LRRC4C: variants seen among roughly 807,000 people sequenced by gnomAD.
LRRC4C encodes the protein leucine-rich repeat-containing protein 4C.
Under a neutral mutation model 33.6 loss-of-function variants are expected in LRRC4C, and 5 were observed. That is an observed-to-expected ratio of 0.15 (90% confidence interval 0.08 to 0.31). The LOEUF is 0.31. Among genes scored for constraint, LRRC4C ranks in the 10% least tolerant of loss-of-function variants. LRRC4C has a pLI of 1.00. For missense variants in LRRC4C, 560 were observed against 796.7 expected, an observed-to-expected ratio of 0.70 and a Z score of 3.58; for synonymous variants, 329 against 302.0, an observed-to-expected ratio of 1.09 and a Z score of -0.93.
intron 4 of LRRC4C, among the ~76,000 whole-genome samples, chr11:40,282,908 T>C (rs936660371): frequency 6.6e-6 from 1 of 152,260 alleles, no homozygotes; most frequent in Non-Finnish European, 1.5e-5. Flanking sequence ...TGATTTTCTA[T>C]ATTTAATGAA....
chr11:40,971,557 C>A (rs189862714), intron 1 of LRRC4C, among the ~76,000 whole-genome samples: 45 of 152,276 alleles, frequency 3.0e-4, no homozygotes, highest in African/African-American at 1.1e-3. Context: ...TCACAGAGAA[C>A]CTCTATTAGA....
intron 1 of LRRC4C, among the ~76,000 whole-genome samples, chr11:41,102,204 C>T (rs995770333): frequency 3.3e-5 from 5 of 151,872 alleles, no homozygotes; most frequent in Non-Finnish European, 7.4e-5. Context: ...AGAAACTTAA[C>T]GTTATCGTCA....
intron 5 of LRRC4C, among the ~76,000 whole-genome samples, chr11:40,204,713 T>TC (rs1412508921): frequency 5.9e-5 from 9 of 152,164 alleles, no homozygotes; most frequent in Admixed American, 5.9e-4. Context: ...CAGGCCTTTT[T>TC]CCCGAGCTCA....
At chr11:41,391,642 T>G (rs553098737) in intron 1 of LRRC4C, among the ~76,000 whole-genome samples, 1 of 152,046 alleles carries the variant, frequency 6.6e-6, no homozygotes, top group East Asian at 1.9e-4. Flanking sequence ...ATTTGATAAG[T>G]ATTTATTGAT....
At chr11:40,411,559 G>T (rs987969113) in intron 3 of LRRC4C, among the ~76,000 whole-genome samples, 1 of 151,982 alleles carries the variant, frequency 6.6e-6, no homozygotes, top group Admixed American at 6.6e-5. Flanking sequence ...TTCTACATCA[G>T]ATCCAGAGTG....
At chr11:40,372,163 A>G (rs906547813) in intron 3 of LRRC4C, among the ~76,000 whole-genome samples, 28 of 152,350 alleles carry the variant, frequency 1.8e-4, no homozygotes, top group African/African-American at 6.7e-4. Context: ...AGTAGGAGAT[A>G]GGCTGAAGTA....
intron 2 of LRRC4C, among the ~76,000 whole-genome samples, chr11:40,666,698 T>C (rs978874632): frequency 9.9e-5 from 15 of 152,158 alleles, no homozygotes; most frequent in African/African-American, 3.4e-4. Flanking sequence ...CACATAATTG[T>C]TATTGGTGTG....
intron 1 of LRRC4C, among the ~76,000 whole-genome samples, chr11:41,295,597 A>G (rs1591184511): frequency 6.9e-6 from 1 of 144,760 alleles, no homozygotes; most frequent in East Asian, 2.3e-4. Context: ...AGGGCAACAA[A>G]CATTTTTTTT....
intron 4 of LRRC4C, among the ~76,000 whole-genome samples, chr11:40,299,718 A>C (rs747701718): frequency 6.6e-6 from 1 of 152,176 alleles, no homozygotes; most frequent in Non-Finnish European, 1.5e-5. Flanking sequence ...CTCTTAATAA[A>C]TTTTGATTGA....
chr11:40,444,202 G>A (rs1289030262), intron 3 of LRRC4C, among the ~76,000 whole-genome samples: 4 of 152,092 alleles, frequency 2.6e-5, no homozygotes, highest in Admixed American at 1.3e-4. Flanking sequence ...TGGGAAAACT[G>A]AGGATCAGAG....
At chr11:40,203,910 A>G (rs997372194) in intron 5 of LRRC4C, among the ~76,000 whole-genome samples, 1 of 152,096 alleles carries the variant, frequency 6.6e-6, no homozygotes, top group Non-Finnish European at 1.5e-5. Flanking sequence ...GATCTTTAAG[A>G]TATTTTATCT....
At chr11:40,552,548 C>T (rs1415056277) in intron 3 of LRRC4C, among the ~76,000 whole-genome samples, 1 of 152,146 alleles carries the variant, frequency 6.6e-6, no homozygotes, top group Admixed American at 6.5e-5. Flanking sequence ...TCCATGAGGG[C>T]ACTGGATGTC....
chr11:40,474,953 C>A (rs966522957), intron 3 of LRRC4C, among the ~76,000 whole-genome samples: 3 of 152,154 alleles, frequency 2.0e-5, no homozygotes, highest in Non-Finnish European at 4.4e-5. Context: ...CAGGAAACAA[C>A]AGATACTGCA....
chr11:41,136,767 A>G (rs1943280709), intron 1 of LRRC4C, among the ~76,000 whole-genome samples: 1 of 152,066 alleles, frequency 6.6e-6, no homozygotes, highest in Non-Finnish European at 1.5e-5. Flanking sequence ...TCCCACTACC[A>G]AACTGTCAAC....
At chr11:40,983,140 T>C (rs1041581404) in intron 1 of LRRC4C, among the ~76,000 whole-genome samples, 3 of 152,202 alleles carry the variant, frequency 2.0e-5, no homozygotes, top group South Asian at 2.1e-4. Flanking sequence ...GACAAAAGCA[T>C]ACATATGTCT....
At chr11:40,134,560 A>T (rs113497684) in intron 6 of LRRC4C, among the ~76,000 whole-genome samples, 76 of 152,340 alleles carry the variant, frequency 5.0e-4, no homozygotes, top group Admixed American at 7.8e-4. Flanking sequence ...TATTTAAGGA[A>T]AAGCAAGTCT....
In LRRC4C at chr11:40,882,347, T is replaced by A. The variant is rs543133431; in HGVS notation, c.-407+51288A>T. On this transcript the variant is annotated intron_variant, in intron 2 of 6. Coordinates refer to ENST00000528697, the MANE Select transcript of LRRC4C (RefSeq NM_001258419.2). ...GAATAAAAAAAAGGTGTGCTATTAATCATTATGCCAAGTTGACAAGTGTAA... is the reference window on the plus strand; with the variant it reads ...GAATAAAAAAAAGGTGTGCTATTAAACATTATGCCAAGTTGACAAGTGTAA... Among the ~76,000 whole-genome samples the A allele has an allele frequency of 1.1e-4, 16 of 152,230 alleles. No homozygotes were observed. The South Asian group carries it at 1.2e-3, about 12-fold the overall frequency.
chr11:41,067,939 G>A (rs1938379532), intron 1 of LRRC4C, among the ~76,000 whole-genome samples: 1 of 152,028 alleles, frequency 6.6e-6, no homozygotes, highest in South Asian at 2.1e-4. Flanking sequence ...TCACTAAATG[G>A]CCACATCAGA....
At chr11:41,023,976 T>C (rs1482221496) in intron 1 of LRRC4C, among the ~76,000 whole-genome samples, 2 of 151,812 alleles carry the variant, frequency 1.3e-5, no homozygotes, top group Non-Finnish European at 2.9e-5. Context: ...GGTGCTTGGC[T>C]TGTGTTGATA....
Sources: gnomAD v4.1 joint callset for allele counts (sites outside exome capture counted in the v4.1 genomes callset) on GRCh38, gnomAD v4.1.1 for gene constraint, MANE v1.5 for transcripts, NCBI Gene and HGNC (gene_info 2026-07-23, HGNC 2026-07-21) for gene names.